The following ERC1 variants were observed in gnomAD, a reference collection of about 807,000 sequenced individuals.
ERC1 encodes ELKS/RAB6-interacting/CAST family member 1, also known as RAB6 interacting protein 2.
A neutral mutation model predicts 132.0 loss-of-function variants in ERC1; 56 were observed. That is an observed-to-expected ratio of 0.42 (90% CI 0.34 to 0.53). ERC1 has a LOEUF of 0.53. Ranked by LOEUF, ERC1 falls within the 20% of genes least tolerant of loss-of-function variation. The pLI is 0.03. For missense variants in ERC1, 1,202 were observed against 1,349.9 expected (o/e 0.89, Z 1.72); for synonymous variants, 478 against 476.1 (o/e 1.00, Z -0.05).
At chr12:1,456,021 C>T (rs1275914428) in intron 18 of ERC1, among the ~76,000 whole-genome samples, 1 of 152,182 alleles carries the variant, frequency 6.6e-6, no homozygotes, top group African/African-American at 2.4e-5. Flanking sequence ...TTCAGCTTTC[C>T]AATGAGGTGA....
chr12:1,280,459 A>C (rs1160466422), intron 14 of ERC1, among the ~76,000 whole-genome samples: 1 of 152,218 alleles, frequency 6.6e-6, no homozygotes, highest in African/African-American at 2.4e-5. Context: ...ATTAAAATTA[A>C]TGTAAAGTGC....
At chr12:1,210,612 G>A (rs910064591) in intron 12 of ERC1, among the ~76,000 whole-genome samples, 2 of 152,002 alleles carry the variant, frequency 1.3e-5, no homozygotes, top group Non-Finnish European at 2.9e-5. Flanking sequence ...TCTTTACTTC[G>A]CTTTCCTTCA....
chr12:1,457,727 A>G (rs923675351), intron 18 of ERC1, among the ~76,000 whole-genome samples: 2 of 151,766 alleles, frequency 1.3e-5, no homozygotes, highest in African/African-American at 2.4e-5. Flanking sequence ...AAGTTAATCG[A>G]AAAAGGAAAA....
intron 2 of ERC1, among the ~76,000 whole-genome samples, chr12:1,058,208 A>G (rs1973358462): frequency 2.0e-5 from 3 of 152,040 alleles, no homozygotes; most frequent in East Asian, 3.9e-4. Context: ...CCATTTGTCT[A>G]TTTTGGTTTT....
intron 16 of ERC1, among the ~76,000 whole-genome samples, chr12:1,393,562 T>C (rs533638448): frequency 6.6e-6 from 1 of 151,760 alleles, no homozygotes; most frequent in East Asian, 1.9e-4. Flanking sequence ...ACTTTTATTC[T>C]TGTGATCTAA....
rs1555256300 is a variant in ERC1, at chr12:1,122,625, G to GCCTATTGATATATCTGTATATATCTA, written c.1569+6592_1569+6593insCCTATTGATATATCTGTATATATCTA. Among the ~76,000 whole-genome samples the GCCTATTGATATATCTGTATATATCTA allele has an allele frequency of 4.8e-3, 29 of 6,040 alleles. 2 individuals are homozygous for GCCTATTGATATATCTGTATATATCTA. Among genetic ancestry groups the GCCTATTGATATATCTGTATATATCTA allele is most frequent in the African/African-American group, 7.8e-3 (23 of 2,934 alleles). The allele number at this position is 6,040 out of a possible 152,430, so 4.0% of individuals were successfully genotyped here. A position where few individuals can be genotyped will look rare whatever the true frequency, so the allele number is the denominator to read the frequency against. Reference sequence around the variant, plus strand: ...TGTCTCTATCTCTATCTCTATCTGTGTCTCTATCTCTATCTCTATCTCTAT... The same window carrying GCCTATTGATATATCTGTATATATCTA: ...TGTCTCTATCTCTATCTCTATCTGTGCCTATTGATATATCTGTATATATCTATCTCTATCTCTATCTCTATCTCTAT... On this transcript the variant is annotated intron_variant, in intron 7 of 18. Coordinates refer to ENST00000360905, the MANE Select transcript of ERC1 (RefSeq NM_178040.4).
chr12:1,244,502 GTTT>G lies in ERC1; in HGVS notation c.2487+7599_2487+7601del, dbSNP rs1566366008. The G allele has an allele frequency of 2.4e-5, 5 of 211,564 alleles. No individual in the cohort carries two copies. In the African/African-American group the frequency reaches 2.8e-4, roughly 12 times the overall value. The allele number at this position is 211,564 out of a possible 1,614,324, so 13.1% of individuals were successfully genotyped here. ...TTAAGTGTTTTGTACTTAATGGTTT[GTTT>G]GTTTGTTTGTTTGTTTGTTTGTTTG... is the stretch of plus-strand genomic sequence containing the variant. On this transcript the variant is annotated intron_variant, in intron 13 of 18. Transcript: ENST00000360905.
At position 1,394,047 on chromosome 12, in the gene ERC1, A is replaced by AAAC. The variant is rs1566758165; in HGVS notation, c.2926-14102_2926-14101insAAC. On this transcript the variant is annotated intron_variant, in intron 16 of 18. Transcript: ENST00000360905. ...AAAAAAAAAAAACAAAAAAAAAACC[A>AAAC]CAAAGCATTAAGCAATTTAATTTCT... 1.3e-3 allele frequency among the ~76,000 whole-genome samples: 77 copies of AAAC among 59,892 alleles called. 3 individuals carry two copies. The highest frequency in any genetic ancestry group is 0.013 in the Middle Eastern group (1 of 80). The allele number at this position is 59,892 out of a possible 152,430, so 39.3% of individuals were successfully genotyped here. A position where few individuals can be genotyped will look rare whatever the true frequency, so the allele number is the denominator to read the frequency against.
chr12:1,004,806 CTGTGTG>C (rs60674277), intron 1 of ERC1, among the ~76,000 whole-genome samples: 13,997 of 146,772 alleles, frequency 0.095, 852 homozygotes, highest in Admixed American at 0.13. Flanking sequence ...CTGCCTTTTT[CTGTGTG>C]TGTGTGTGTG....
At chr12:1,164,258 T>TTG (rs1952150895) in intron 8 of ERC1, among the ~76,000 whole-genome samples, 1 of 151,068 alleles carries the variant, frequency 6.6e-6, no homozygotes, top group Non-Finnish European at 1.5e-5. Flanking sequence ...TTTATTTTAT[T>TTG]TTATTTTATG....
chr12:1,179,500 CTTTTTTTTTTT>C (rs58317880), intron 8 of ERC1, among the ~76,000 whole-genome samples: 2 of 95,756 alleles, frequency 2.1e-5, no homozygotes, highest in African/African-American at 4.0e-5. Context: ...ATTCATTTTT[CTTTTTTTTTTT>C]TTTTTTTTTT....
chr12:1,224,888 G>A (rs775339668), intron 12 of ERC1, among the ~76,000 whole-genome samples: 17 of 152,020 alleles, frequency 1.1e-4, no homozygotes, highest in South Asian at 6.2e-4. Context: ...CTACTTGGGA[G>A]GCTGACATAG....
At chr12:1,375,929 G>C (rs533786176) in intron 16 of ERC1, among the ~76,000 whole-genome samples, 119 of 151,934 alleles carry the variant, frequency 7.8e-4, no homozygotes, top group Middle Eastern at 3.4e-3. Flanking sequence ...GTAGAGACGG[G>C]GTTTCACCAG....
chr12:1,009,768 TA>T lies in ERC1; in HGVS notation c.-156-17979del, dbSNP rs1303088577. 5.3e-5 allele frequency among the ~76,000 whole-genome samples: 8 copies of T among 152,336 alleles called. No homozygotes were observed. The East Asian group carries it at 1.2e-3, about 22-fold the overall frequency. On this transcript the variant is annotated intron_variant, in intron 1 of 18. Transcript: ENST00000360905. Reference sequence around the variant, plus strand: ...AAACTTTAAAATATGAAAAACTGTTTATCTTAAAATATTAATATTGATGAGT... The same window carrying T: ...AAACTTTAAAATATGAAAAACTGTTTTCTTAAAATATTAATATTGATGAGT...
intron 8 of ERC1, among the ~76,000 whole-genome samples, chr12:1,165,278 G>T (rs1211099235): frequency 6.6e-6 from 1 of 152,028 alleles, no homozygotes; most frequent in Non-Finnish European, 1.5e-5. Context: ...AGATAGAGGT[G>T]TGTATAGATG....
intron 2 of ERC1, among the ~76,000 whole-genome samples, chr12:1,033,557 G>A (rs1335084137): frequency 3.3e-5 from 5 of 151,652 alleles, no homozygotes; most frequent in African/African-American, 1.2e-4. Flanking sequence ...TCTGCCTCCC[G>A]GGTTCAAGCG....
At chr12:1,013,900 T>TA (rs1299607091) in intron 1 of ERC1, among the ~76,000 whole-genome samples, 2 of 151,324 alleles carry the variant, frequency 1.3e-5, no homozygotes, top group East Asian at 3.9e-4. Flanking sequence ...CCTGGCTAAT[T>TA]AAAAAAAAAG....
At chr12:1,286,775 G>A (rs192367296) in intron 14 of ERC1, among the ~76,000 whole-genome samples, 31 of 152,138 alleles carry the variant, frequency 2.0e-4, no homozygotes, top group African/African-American at 6.7e-4. Flanking sequence ...TTGTAAAAAC[G>A]ATACTGTTTA....
At chr12:1,158,009 G>A (rs766100448) in intron 8 of ERC1, among the ~76,000 whole-genome samples, 2 of 152,128 alleles carry the variant, frequency 1.3e-5, no homozygotes, top group Non-Finnish European at 2.9e-5. Context: ...TGGACATATA[G>A]CAAAATTAAA....
Sources: allele counts gnomAD v4.1 joint callset (sites outside exome capture counted in the v4.1 genomes callset), GRCh38; gene constraint gnomAD v4.1.1; transcripts MANE v1.5; gene names NCBI Gene and HGNC (gene_info 2026-07-23, HGNC 2026-07-21).